CLIC6: variants seen among roughly 807,000 people sequenced by gnomAD.
CLIC6 encodes chloride intracellular channel protein 6.
In CLIC6, 39 loss-of-function variants were observed where a neutral mutation model predicts 49.2. That is an observed-to-expected ratio of 0.79 (90% CI 0.61 to 1.04). The LOEUF (loss-of-function observed/expected upper bound fraction) is 1.04. Among genes scored for constraint, CLIC6 ranks in the 50% least tolerant of loss-of-function variants. The pLI is 0.00. For synonymous variants in CLIC6, 446 were observed against 433.4 expected, an observed-to-expected ratio of 1.03 and a Z score of -0.36; for missense variants, 988 against 993.1, an observed-to-expected ratio of 0.99 and a Z score of 0.07.
chr21:34,713,247 G>A (rs546181884), intron 5 of CLIC6, among the ~76,000 whole-genome samples: 48 of 152,180 alleles, frequency 3.2e-4, no homozygotes, highest in Non-Finnish European at 3.1e-4. Flanking sequence ...ATTAAAGAAC[G>A]TTTCTTACAG....
chr21:34,697,425 C>G (rs941121599), intron 1 of CLIC6, among the ~76,000 whole-genome samples: 2 of 152,156 alleles, frequency 1.3e-5, no homozygotes, highest in African/African-American at 4.8e-5. Context: ...CCTCCCCTCC[C>G]CTTCCCTTCT....
chr21:34,685,750 A>G (rs1198955529), intron 1 of CLIC6, among the ~76,000 whole-genome samples: 1 of 152,204 alleles, frequency 6.6e-6, no homozygotes, highest in East Asian at 1.9e-4. Context: ...TTTTACTAAT[A>G]TATTATAATG....
chr21:34,685,129 G>T (rs552220989), intron 1 of CLIC6, among the ~76,000 whole-genome samples: 24 of 152,286 alleles, frequency 1.6e-4, no homozygotes, highest in Non-Finnish European at 3.1e-4. Context: ...GGGGTGGCAG[G>T]GTGGGGGGTG....
Position 34,708,018 on chromosome 21 carries a change from C to A in CLIC6, c.1559C>A (p.Thr520Lys). Reference protein sequence around the residue: ...PFMTFDGEVKTDVNKIEEFLE... With the variant: ...PFMTFDGEVKKDVNKIEEFLE... The stretch of plus-strand genomic sequence containing the variant: ...ATGACTTTTGATGGTGAAGTCAAGA[C>A]GGATGTGAATAAGATCGAGGAGTTC... The change falls in exon 3 of 6, where the codon ACG becomes AAG. Residue 520 changes from threonine (T) to lysine (K), a missense_variant. By Grantham distance (78) the Thr-to-Lys change is moderately conservative. Transcript: ENST00000349499. 1 of 1,614,052 alleles carries A rather than the reference C, an allele frequency of 6.2e-7. No homozygotes were observed. Among genetic ancestry groups the A allele is most frequent in the Non-Finnish European group, 8.5e-7 (1 of 1,179,946 alleles).
intron 1 of CLIC6, among the ~76,000 whole-genome samples, chr21:34,680,984 C>G (rs1989767913): frequency 6.6e-6 from 1 of 152,220 alleles, no homozygotes; most frequent in African/African-American, 2.4e-5. Context: ...TCCAAAGTAG[C>G]TTTCACATTT....
At position 34,711,524 on chromosome 21, in the gene CLIC6, CAAACAAATAAAT is replaced by C. The variant is rs1231270168; in HGVS notation, c.1899+1990_1899+2001del. 9.7e-3 allele frequency among the ~76,000 whole-genome samples: 1,264 copies of C among 130,804 alleles called. 25 individuals are homozygous for C. Among genetic ancestry groups the C allele is most frequent in the African/African-American group, 0.034 (1,189 of 35,012 alleles). 85.8% of individuals were successfully genotyped at this position (130,804 alleles called of 152,430 possible). The stretch of plus-strand genomic sequence containing the variant: ...ACAGAGCAAGACTCTGTCAAATAAA[CAAACAAATAAAT>C]AAATAAATAAATAAATAAATAAATA... On this transcript the variant is annotated intron_variant, in intron 5 of 5. Transcript: ENST00000349499.
At chr21:34,705,882 A>G (rs1238552455) in intron 1 of CLIC6, 3 of 452,004 alleles carry the variant, frequency 6.6e-6, no homozygotes, top group East Asian at 3.4e-5. Context: ...TTCTCACAGC[A>G]TGGTTTCTGA....
At chr21:34,714,384 G>A (rs1392840183) in intron 5 of CLIC6, among the ~76,000 whole-genome samples, 1 of 152,146 alleles carries the variant, frequency 6.6e-6, no homozygotes, top group Non-Finnish European at 1.5e-5. Flanking sequence ...TTAACAGGCA[G>A]CATCTAAAAT....
chr21:34,686,316 A>C (rs1989877828), intron 1 of CLIC6, among the ~76,000 whole-genome samples: 1 of 152,076 alleles, frequency 6.6e-6, no homozygotes, highest in Non-Finnish European at 1.5e-5. Flanking sequence ...CAGAAGAATC[A>C]CTTGAACTCA....
intron 1 of CLIC6, among the ~76,000 whole-genome samples, chr21:34,705,851 G>A (rs937342233): frequency 2.6e-5 from 4 of 152,084 alleles, no homozygotes; most frequent in African/African-American, 7.2e-5. Context: ...TCTCTTGCCC[G>A]AGATTGGACT....
Position 34,708,914 on chromosome 21 carries a change from G to A in CLIC6, c.1717+108G>A. On this transcript the variant is annotated intron_variant, in intron 4 of 5. Transcript: ENST00000349499. ...CATCTATTTCCCAGTGGGTAGAGAAGTGAGTCTGGAGCTACAGAAAAAGTG... is the reference window on the plus strand; with the variant it reads ...CATCTATTTCCCAGTGGGTAGAGAAATGAGTCTGGAGCTACAGAAAAAGTG... The A allele has an allele frequency of 6.3e-6, 5 of 794,084 alleles. No individual in the cohort carries two copies. In the Admixed American group the frequency reaches 7.0e-5, roughly 11 times the overall value. 49.2% of individuals were successfully genotyped at this position (794,084 alleles called of 1,614,324 possible). A position where few individuals can be genotyped will look rare whatever the true frequency, so the allele number is the denominator to read the frequency against.
intron 1 of CLIC6, among the ~76,000 whole-genome samples, chr21:34,677,232 T>C (rs1239857993): frequency 2.6e-5 from 4 of 152,222 alleles, no homozygotes; most frequent in African/African-American, 7.2e-5. Context: ...TTTAAGACAG[T>C]CTCTTATTGT....
intron 1 of CLIC6, among the ~76,000 whole-genome samples, chr21:34,704,344 A>C (rs1415823041): frequency 6.6e-6 from 1 of 152,202 alleles, no homozygotes; most frequent in Non-Finnish European, 1.5e-5. Context: ...AAGTCATCCC[A>C]GTCACTCCCA....
At chr21:34,697,592 C>T (rs534055670) in intron 1 of CLIC6, among the ~76,000 whole-genome samples, 37 of 152,308 alleles carry the variant, frequency 2.4e-4, no homozygotes, top group Middle Eastern at 3.4e-3. Context: ...ATGGTATTTC[C>T]CCATCTAAAA....
chr21:34,705,912 T>G, intron 1 of CLIC6: 2 of 498,396 alleles, frequency 4.0e-6, no homozygotes, highest in South Asian at 7.0e-5. Flanking sequence ...TTGTATCACT[T>G]TGGAGGAACA....
intron 1 of CLIC6, among the ~76,000 whole-genome samples, chr21:34,699,741 T>C (rs950573439): frequency 1.1e-4 from 17 of 152,160 alleles, no homozygotes; most frequent in African/African-American, 3.9e-4. Flanking sequence ...AGGACACAGA[T>C]ACACGTGAAG....
At chr21:34,686,303 A>G (rs1188747140) in intron 1 of CLIC6, among the ~76,000 whole-genome samples, 1 of 152,182 alleles carries the variant, frequency 6.6e-6, no homozygotes, top group Non-Finnish European at 1.5e-5. Context: ...TGGGTGGCTG[A>G]GGCAGAAGAA....
intron 1 of CLIC6, among the ~76,000 whole-genome samples, chr21:34,683,269 T>C (rs543855551): frequency 6.6e-6 from 1 of 152,374 alleles, no homozygotes; most frequent in East Asian, 1.9e-4. Flanking sequence ...CATCTTCAGA[T>C]GTAAGATATA....
intron 1 of CLIC6, among the ~76,000 whole-genome samples, chr21:34,684,750 G>A (rs929881367): frequency 6.6e-6 from 1 of 152,232 alleles, no homozygotes; most frequent in African/African-American, 2.4e-5. Flanking sequence ...AGGCCAAAAT[G>A]AGGGAGAGGA....
Sources: gnomAD v4.1 joint callset for allele counts (sites outside exome capture counted in the v4.1 genomes callset) on GRCh38, gnomAD v4.1.1 for gene constraint, MANE v1.5 for transcripts, NCBI Gene and HGNC (gene_info 2026-07-23, HGNC 2026-07-21) for gene names.